The following ANKRD12 variants were observed in gnomAD, a reference collection of about 807,000 sequenced individuals.
ANKRD12 encodes the protein ankyrin repeat domain 12, also known as ankyrin repeat domain-containing protein 12.
ANKRD12 carries 85 observed loss-of-function variants against 183.4 expected under a neutral mutation model. That is an observed-to-expected ratio of 0.46 (90% CI 0.39 to 0.56). The LOEUF (loss-of-function observed/expected upper bound fraction) is 0.56. Among genes scored for constraint, ANKRD12 ranks in the 20% least tolerant of loss-of-function variants. The probability of loss-of-function intolerance (pLI) is 0.00; values close to 1 mark genes in which losing one functional copy is unlikely to be tolerated. For missense variants in ANKRD12, 2,405 were observed against 2,357.1 expected, an observed-to-expected ratio of 1.02 and a Z score of -0.42; for synonymous variants, 914 against 800.2, an observed-to-expected ratio of 1.14 and a Z score of -2.40.
intron 5 of ANKRD12, 59 bp downstream of exon 5, chr18:9,208,862 T>G: frequency 1.1e-5 from 15 of 1,399,146 alleles, no homozygotes; most frequent in Non-Finnish European, 1.3e-5. Flanking sequence ...GCAACTGTAG[T>G]CTCGTCTTAA....
intron 2 of ANKRD12, among the ~76,000 whole-genome samples, chr18:9,194,593 G>T (rs1010344760): frequency 3.6e-4 from 55 of 152,192 alleles, no homozygotes; most frequent in Admixed American, 2.1e-3. Context: ...CTGACCTCAG[G>T]TGATACCCAT....
intron 8 of ANKRD12, among the ~76,000 whole-genome samples, chr18:9,222,350 C>T (rs1328945338): frequency 6.6e-6 from 1 of 152,156 alleles, no homozygotes; most frequent in Non-Finnish European, 1.5e-5. Flanking sequence ...GAGCTACTAA[C>T]CAAACACTTC....
At chr18:9,179,456 C>T (rs2033537239) in intron 1 of ANKRD12, among the ~76,000 whole-genome samples, 1 of 152,044 alleles carries the variant, frequency 6.6e-6, no homozygotes, top group Non-Finnish European at 1.5e-5. Context: ...TTTTATCTTA[C>T]CTGTTGAGAT....
In ANKRD12 at chr18:9,254,813, A is replaced by G; in HGVS notation, c.1546A>G (p.Arg516Gly). Residue 516 changes from arginine to glycine, a missense_variant, in exon 9 of 13, where the codon AGA becomes GGA. Coordinates refer to ENST00000262126, the MANE Select transcript of ANKRD12 (RefSeq NM_015208.5). ...TGGACTAGATTGTTCAGAAAAGACC[A>G]GAGAGGAGGGGAACTTTAGGAAATC... ...NTGLDCSEKTREEGNFRKSFS... is the reference protein window; with the variant it reads ...NTGLDCSEKTGEEGNFRKSFS... 1.3e-6 allele frequency: 2 copies of G among 1,486,818 alleles called. No homozygotes were observed. The highest frequency in any genetic ancestry group is 2.4e-5 in the East Asian group (1 of 42,208). The allele number at this position is 1,486,818 out of a possible 1,614,324, so 92.1% of individuals were successfully genotyped here. A position where few individuals can be genotyped will look rare whatever the true frequency, so the allele number is the denominator to read the frequency against.
intron 11 of ANKRD12, among the ~76,000 whole-genome samples, 180 bp downstream of exon 11, chr18:9,275,847 C>G (rs1036905099): frequency 3.3e-5 from 5 of 152,220 alleles, no homozygotes; most frequent in African/African-American, 1.2e-4. Flanking sequence ...TTCTAAAGCA[C>G]TGTAAACATT....
At chr18:9,138,413 C>T (rs1435470405) in intron 1 of ANKRD12, among the ~76,000 whole-genome samples, 1 of 152,050 alleles carries the variant, frequency 6.6e-6, no homozygotes, top group East Asian at 1.9e-4. Context: ...CTTGGGAAGC[C>T]GAGGCAGGGG....
intron 3 of ANKRD12, among the ~76,000 whole-genome samples, chr18:9,199,225 C>T (rs1336754255): frequency 1.3e-5 from 2 of 151,944 alleles, no homozygotes; most frequent in African/African-American, 2.4e-5. Flanking sequence ...CCTGGTAGGT[C>T]GAGGCTACAG....
intron 6 of ANKRD12, among the ~76,000 whole-genome samples, chr18:9,215,243 C>T (rs1208680352): frequency 1.3e-5 from 2 of 152,076 alleles, no homozygotes; most frequent in African/African-American, 2.4e-5. Context: ...AGATTTAGGG[C>T]AGGAAGGGAT....
chr18:9,148,597 A>G (rs914515506), intron 1 of ANKRD12, among the ~76,000 whole-genome samples: 4 of 152,168 alleles, frequency 2.6e-5, no homozygotes, highest in African/African-American at 7.2e-5. Flanking sequence ...ATTATTTCCA[A>G]AGCAATTTTA....
intron 1 of ANKRD12, among the ~76,000 whole-genome samples, chr18:9,169,986 G>A (rs187697351): frequency 8.8e-4 from 134 of 152,156 alleles, no homozygotes; most frequent in Non-Finnish European, 1.7e-3. Flanking sequence ...TAGTTTGGCC[G>A]GATATGAAAT....
At chr18:9,224,983 T>G (rs1749110953) in intron 8 of ANKRD12, among the ~76,000 whole-genome samples, 2 of 152,154 alleles carry the variant, frequency 1.3e-5, no homozygotes, top group Non-Finnish European at 2.9e-5. Context: ...GTGCCTGCAA[T>G]TCCAGCTATT....
At position 9,221,960 on chromosome 18, in the gene ANKRD12, A is replaced by G. The variant is rs147749479; in HGVS notation, c.904A>G (p.Arg302Gly). ...AGAGGAGTTGGAGTTGCTACTAAAA[A>G]GAGAGGTGCCTTTATCTGATGATGA... ...ETEELELLLK[R>G]EVPLSDDDES... The change falls in exon 8 of 13, where the codon AGA (arginine) becomes GGA (glycine). Residue 302 changes from arginine (R) to glycine (G), a missense_variant. Arg to Gly is a moderately radical substitution (Grantham distance 125). Transcript: ENST00000262126. The G allele has an allele frequency of 4.1e-5, 66 of 1,613,946 alleles. No homozygotes were observed. Among genetic ancestry groups the G allele is most frequent in the Non-Finnish European group, 5.3e-5 (62 of 1,179,954 alleles).
rs1391184051 is a variant in ANKRD12, at chr18:9,283,235, A to G, written c.*2109A>G. ...GATGGTTCAACCAGAGGTCTGGGAA[A>G]TAGCACTGTTGGCCCAAACAGAACA... On this transcript the variant is annotated 3_prime_UTR_variant, in exon 13 of 13. Transcript: ENST00000262126. 1 of 152,182 alleles carries G rather than the reference A, an allele frequency of 6.6e-6. No homozygotes were observed. The highest frequency in any genetic ancestry group is 2.4e-5 in the African/African-American group (1 of 41,460). The allele number at this position is 152,182 out of a possible 1,614,324, so 9.4% of individuals were successfully genotyped here.
At chr18:9,260,547 C>A (rs1315277408) in intron 9 of ANKRD12, among the ~76,000 whole-genome samples, 1 of 152,128 alleles carries the variant, frequency 6.6e-6, no homozygotes, top group Non-Finnish European at 1.5e-5. Flanking sequence ...ACAACCTAGT[C>A]TCTACTGTGG....
intron 3 of ANKRD12, among the ~76,000 whole-genome samples, chr18:9,200,031 G>A (rs774034197): frequency 1.3e-5 from 2 of 152,138 alleles, no homozygotes. Context: ...ATTGTCCAAG[G>A]AAAGCCTACT....
chr18:9,245,650 CAGGT>C (rs1381183263), intron 8 of ANKRD12, among the ~76,000 whole-genome samples: 1 of 152,118 alleles, frequency 6.6e-6, no homozygotes, highest in Admixed American at 6.5e-5. Context: ...ATTTTAATCT[CAGGT>C]GAGTATGTTT....
At chr18:9,200,914 T>TA (rs1366504613) in intron 3 of ANKRD12, among the ~76,000 whole-genome samples, 1 of 152,210 alleles carries the variant, frequency 6.6e-6, no homozygotes, top group African/African-American at 2.4e-5. Flanking sequence ...TCTTAGCTCA[T>TA]ACATGGGCTT....
At chr18:9,158,136 T>C (rs1300691834) in intron 1 of ANKRD12, among the ~76,000 whole-genome samples, 1 of 152,198 alleles carries the variant, frequency 6.6e-6, no homozygotes, top group Non-Finnish European at 1.5e-5. Context: ...CTTCTTGCTT[T>C]AGTAGAGTGG....
At chr18:9,214,080 AT>A (rs1354984440) in intron 6 of ANKRD12, among the ~76,000 whole-genome samples, 1 of 152,052 alleles carries the variant, frequency 6.6e-6, no homozygotes, top group Non-Finnish European at 1.5e-5. Flanking sequence ...TTCAGTAAAT[AT>A]ATTTGAAATT....
Sources: gnomAD v4.1 joint callset for allele counts (sites outside exome capture counted in the v4.1 genomes callset) on GRCh38, gnomAD v4.1.1 for gene constraint, MANE v1.5 for transcripts, NCBI Gene and HGNC (gene_info 2026-07-23, HGNC 2026-07-21) for gene names.